Variants in RO60 observed in about 807,000 individuals in gnomAD.
The protein encoded by RO60 is Ro60, Y RNA binding protein, also known as RNA-binding protein RO60.
A neutral mutation model predicts 55.3 loss-of-function variants in RO60; 20 were observed. That is an observed-to-expected ratio of 0.36 (90% confidence interval 0.25 to 0.53). The LOEUF (loss-of-function observed/expected upper bound fraction) is 0.53. RO60 is among the 20% of genes least tolerant of loss of function. The pLI, the probability that RO60 is intolerant of heterozygous loss-of-function variation, is 0.92. For synonymous variants in RO60, 213 were observed against 213.6 expected, an observed-to-expected ratio of 1.00 and a Z score of 0.02; for missense variants, 558 against 646.6, an observed-to-expected ratio of 0.86 and a Z score of 1.49.
At position 193,085,899 on chromosome 1, in the gene RO60, CT is replaced by C; in HGVS notation, c.*1172del. 10 of 985,146 alleles carry C rather than the reference CT, an allele frequency of 1.0e-5. No individual in the cohort carries two copies. The highest frequency in any genetic ancestry group is 1.2e-5 in the Non-Finnish European group (10 of 829,740). 61.0% of individuals were successfully genotyped at this position (985,146 alleles called of 1,614,324 possible). On this transcript the variant is annotated 3_prime_UTR_variant, in exon 9 of 9. Coordinates refer to ENST00000400968, the MANE Select transcript of RO60 (RefSeq NM_001173524.2). ...TTCAGTATTATTTGTATGTATTAAA[CT>C]TTTCATTACACTAAAGTGCATTATT...
At position 193,085,486 on chromosome 1, in the gene RO60, G is replaced by C. The variant is rs1245150767; in HGVS notation, c.*755G>C. ...TTGTTATATTTTATTGCTACAAGGG[G>C]TGTGACTTGATAATGATTTCCTCTG... On this transcript the variant is annotated 3_prime_UTR_variant, in exon 9 of 9. Transcript: ENST00000400968. 8.1e-6 allele frequency: 8 copies of C among 984,846 alleles called. No individual in the cohort carries two copies. In the South Asian group the frequency reaches 3.3e-4, roughly 40 times the overall value. The allele number at this position is 984,846 out of a possible 1,614,324, so 61.0% of individuals were successfully genotyped here.
intron 1 of RO60, among the ~76,000 whole-genome samples, chr1:193,067,115 T>C (rs910829301): frequency 2.0e-5 from 3 of 152,086 alleles, no homozygotes; most frequent in African/African-American, 7.2e-5. Flanking sequence ...ACAGTTTGCA[T>C]TGTGATTCTA....
rs1674300053 is a variant in RO60, at chr1:193,081,345, T to G, written c.1087-19T>G. On this transcript the variant is annotated intron_variant, in intron 5 of 8. Transcript: ENST00000400968. ...TAATTTCTGTTATGCTTTTAATGAT[T>G]GTTTTGTTTTCTCTGTAGACAGTTG... The G allele has an allele frequency of 7.4e-7, 1 of 1,358,128 alleles. No individual in the cohort carries two copies. Among genetic ancestry groups the G allele is most frequent in the Admixed American group, 1.7e-5 (1 of 58,004 alleles). The allele number at this position is 1,358,128 out of a possible 1,614,324, so 84.1% of individuals were successfully genotyped here.
rs143076495 is a variant in RO60, at chr1:193,060,860, G to A, written c.-22+1084G>A. ...ATTGGAAAAGTTTAAGAGGCACAGA[G>A]TCCAGAATGATTGGCATCAGAGCCC... On this transcript the variant is annotated intron_variant, in intron 1 of 8. Transcript: ENST00000400968. 3.2e-3 allele frequency among the ~76,000 whole-genome samples: 480 copies of A among 152,270 alleles called. 1 individual carries two copies. Among genetic ancestry groups the A allele is most frequent in the Non-Finnish European group, 4.9e-3 (333 of 68,032 alleles).
rs1240020505 is a variant in RO60, at chr1:193,091,035, GT to G, written c.*6310del. 1 of 152,272 alleles carries G rather than the reference GT, an allele frequency of 6.6e-6. No homozygotes were observed. Among genetic ancestry groups the G allele is most frequent in the Non-Finnish European group, 1.5e-5 (1 of 68,008 alleles). 9.4% of individuals were successfully genotyped at this position (152,272 alleles called of 1,614,324 possible). On this transcript the variant is annotated 3_prime_UTR_variant, in exon 9 of 9. Coordinates refer to ENST00000400968, the MANE Select transcript of RO60 (RefSeq NM_001173524.2). The stretch of plus-strand genomic sequence containing the variant: ...CAGTAATATTTTATGATAGTTTAAG[GT>G]TTTTTATTGTTTTCTATAACAAGTT...
intron 2 of RO60, 117 bp from the exon 3 acceptor site, chr1:193,075,703 G>T: frequency 1.5e-6 from 1 of 687,838 alleles, no homozygotes. Flanking sequence ...CCCAGTGTAA[G>T]GGCATTAACT....
chr1:193,076,443 G>A, intron 3 of RO60, 58 bp from the exon 4 acceptor site: 1 of 1,563,696 alleles, frequency 6.4e-7, no homozygotes, highest in Non-Finnish European at 8.7e-7. Flanking sequence ...ATATAGGTAT[G>A]TTATACTGAT....
intron 8 of RO60, among the ~76,000 whole-genome samples, chr1:193,083,992 T>C (rs1674492133): frequency 6.6e-6 from 1 of 152,226 alleles, no homozygotes; most frequent in Non-Finnish European, 1.5e-5. Context: ...AGTAAGTTAC[T>C]TACCTCTTAG....
Position 193,088,651 on chromosome 1 carries a change from A to T in RO60, c.*3920A>T, listed in dbSNP as rs1674725690. On this transcript the variant is annotated 3_prime_UTR_variant, in exon 9 of 9. Coordinates refer to ENST00000400968, the MANE Select transcript of RO60 (RefSeq NM_001173524.2). ...TAGGTAATCAAAAATGAAAAATTCT[A>T]GTCTTATATACTGCAGGTTTGGGGT... 6.6e-6 allele frequency: 1 copy of T among 152,190 alleles called. No individual in the cohort carries two copies. The highest frequency in any genetic ancestry group is 1.5e-5 in the Non-Finnish European group (1 of 68,018). 9.4% of individuals were successfully genotyped at this position (152,190 alleles called of 1,614,324 possible).
At chr1:193,084,213 TTATA>T (rs754729530) in intron 8 of RO60, among the ~76,000 whole-genome samples, 14 of 152,230 alleles carry the variant, frequency 9.2e-5, no homozygotes, top group Non-Finnish European at 1.8e-4. Flanking sequence ...AGATATGTCC[TTATA>T]TATACTCATA....
rs1480894922 is a variant in RO60, at chr1:193,069,415, A to ATTCCTACCC, written c.362_370dup (p.Thr123_His124insLeuProThr). 1 of 1,614,046 alleles carries ATTCCTACCC rather than the reference A, an allele frequency of 6.2e-7. No individual in the cohort carries two copies. The highest frequency in any genetic ancestry group is 2.2e-5 in the East Asian group (1 of 44,900). On this transcript the variant is annotated inframe_insertion, in exon 2 of 9. Transcript: ENST00000400968. Reference sequence around the variant, plus strand: ...TAAAGCTGTTTCTGAAGTTTGTCGCATTCCTACCCATCTCTTTACTTTTAT... The same window carrying ATTCCTACCC: ...TAAAGCTGTTTCTGAAGTTTGTCGCATTCCTACCCTTCCTACCCATCTCTTTACTTTTAT...
rs1467277566 is a variant in RO60 at position 193,087,369 on chromosome 1, T to C, written c.*2638T>C. On this transcript the variant is annotated 3_prime_UTR_variant, in exon 9 of 9. Transcript: ENST00000400968. ...ATCCTGCAAGAATAAACAAACTTTA[T>C]TTCCTAGGTAGTATGTAAATAGTTC... The C allele has an allele frequency of 6.6e-6, 1 of 152,178 alleles. No homozygotes were observed. Among genetic ancestry groups the C allele is most frequent in the Non-Finnish European group, 1.5e-5 (1 of 67,998 alleles). 9.4% of individuals were successfully genotyped at this position (152,178 alleles called of 1,614,324 possible).
At chr1:193,078,577 A>G (rs1312071218) in intron 5 of RO60, among the ~76,000 whole-genome samples, 3 of 152,218 alleles carry the variant, frequency 2.0e-5, no homozygotes, top group Non-Finnish European at 4.4e-5. Context: ...TTGTATTTCT[A>G]TATACTAGCA....
rs1447150953 is a variant in RO60 at position 193,082,651 on chromosome 1, T to C, written c.1407T>C (p.Asp469=). Residue 469 remains aspartate (D), a synonymous_variant, in exon 8 of 9, where the codon GAT becomes GAC. Coordinates refer to ENST00000400968, the MANE Select transcript of RO60 (RefSeq NM_001173524.2). The stretch of plus-strand genomic sequence containing the variant: ...CTGATGTCTTCATTGTATTCACTGA[T>C]AATGAGACCTTTGCTGGAGGTGTCC... ...TPADVFIVFT[D]NETFAGGVHP... 14 of 1,613,762 alleles carry C rather than the reference T, an allele frequency of 8.7e-6. No individual in the cohort carries two copies. The highest frequency in any genetic ancestry group is 1.1e-5 in the Non-Finnish European group (13 of 1,179,852).
chr1:193,060,410 AC>A (rs1672490370), intron 1 of RO60: 1 of 198,050 alleles, frequency 5.0e-6, no homozygotes, highest in Admixed American at 5.5e-5. Flanking sequence ...CTTATAGAAT[AC>A]TATAGTGTTA....
intron 6 of RO60, 124 bp downstream of exon 6, chr1:193,081,604 T>C: frequency 1.7e-6 from 1 of 581,202 alleles, no homozygotes. Context: ...TTGTCACATT[T>C]TTAATTTTAT....
chr1:193,059,616 G>A lies in RO60; in HGVS notation c.-182G>A. The A allele has an allele frequency of 2.8e-6, 4 of 1,426,470 alleles. No individual in the cohort carries two copies. Among genetic ancestry groups the A allele is most frequent in the Non-Finnish European group, 2.8e-6 (3 of 1,062,648 alleles). 88.4% of individuals were successfully genotyped at this position (1,426,470 alleles called of 1,614,324 possible). A position where few individuals can be genotyped will look rare whatever the true frequency, so the allele number is the denominator to read the frequency against. ...GGGCAAAAGAAGAGGGGCAGGACTCGTTCCCGGGAACCGAACCTGGAATCC... is the reference window on the plus strand; with the variant it reads ...GGGCAAAAGAAGAGGGGCAGGACTCATTCCCGGGAACCGAACCTGGAATCC... On this transcript the variant is annotated 5_prime_UTR_variant, in exon 1 of 9. Coordinates refer to ENST00000400968, the MANE Select transcript of RO60 (RefSeq NM_001173524.2). This position sits in a 1 kb window ranked among gnomAD's most constrained non-coding sequence, Gnocchi z 4.9.
intron 5 of RO60, among the ~76,000 whole-genome samples, chr1:193,080,904 A>G (rs2103068239): frequency 6.6e-6 from 1 of 152,324 alleles, no homozygotes; most frequent in Middle Eastern, 3.4e-3. Flanking sequence ...TACAAGTTCT[A>G]TTTGGGATGA....
chr1:193,084,472 T>C, intron 8 of RO60, 107 bp from the exon 9 acceptor site: 1 of 1,314,972 alleles, frequency 7.6e-7, no homozygotes, highest in Non-Finnish European at 1.0e-6. Context: ...AATGACTTTG[T>C]ATTTAAAAAG....
Sources: gnomAD v4.1 joint callset for allele counts (sites outside exome capture counted in the v4.1 genomes callset) on GRCh38, gnomAD v4.1.1 for gene constraint, Gnocchi (gnomAD v3.1) non-coding constraint, MANE v1.5 for transcripts, NCBI Gene and HGNC (gene_info 2026-07-23, HGNC 2026-07-21) for gene names.